Variants in UGT1A8 observed in about 807,000 individuals in gnomAD.
UGT1A8 encodes the protein UDP-glucuronosyltransferase 1A8.
Under a neutral mutation model 45.3 loss-of-function variants are expected in UGT1A8, and 39 were observed. The observed-to-expected ratio is 0.86, with a 90% confidence interval of 0.67 to 1.12. The LOEUF is 1.12. Among genes scored for constraint, UGT1A8 ranks in the 50% most tolerant of loss-of-function variants. The pLI is 0.00. For missense variants in UGT1A8, 719 were observed against 664.9 expected (o/e 1.08, Z -0.90); for synonymous variants, 275 against 249.2 (o/e 1.10, Z -0.97).
chr2:233,749,365 C>A (rs540660100), intron 1 of UGT1A8, among the ~76,000 whole-genome samples: 4 of 151,824 alleles, frequency 2.6e-5, no homozygotes, highest in Admixed American at 1.3e-4. Context: ...GTGACTCTTG[C>A]CCTTTTCTTC....
intron 1 of UGT1A8, chr2:233,719,579 C>T (rs112157197): frequency 5.0e-5 from 80 of 1,613,916 alleles, no homozygotes; most frequent in South Asian, 2.2e-4. Flanking sequence ...GCTATGCATC[C>T]GTGTGGCTGT....
intron 1 of UGT1A8, among the ~76,000 whole-genome samples, chr2:233,624,148 A>G (rs922516287): frequency 2.0e-5 from 3 of 152,132 alleles, no homozygotes; most frequent in African/African-American, 7.2e-5. Context: ...ATGATGAGCT[A>G]AAGTCTGTTT....
chr2:233,677,273 T>G (rs898642821), intron 1 of UGT1A8, among the ~76,000 whole-genome samples: 1 of 152,188 alleles, frequency 6.6e-6, no homozygotes, highest in Non-Finnish European at 1.5e-5. Context: ...TATATCATGT[T>G]TTTGATGCTA....
chr2:233,693,402 G>A, intron 1 of UGT1A8: 1 of 1,614,140 alleles, frequency 6.2e-7, no homozygotes, highest in Non-Finnish European at 8.5e-7. Context: ...CTGCAGGACA[G>A]GGACACCCTG....
intron 1 of UGT1A8, among the ~76,000 whole-genome samples, chr2:233,667,276 T>C (rs1394418009): frequency 6.6e-6 from 1 of 152,098 alleles, no homozygotes; most frequent in Non-Finnish European, 1.5e-5. Flanking sequence ...AAACAAGAAA[T>C]GGGGAAAGGA....
At chr2:233,697,433 C>A (rs1039181362) in intron 1 of UGT1A8, among the ~76,000 whole-genome samples, 9 of 150,656 alleles carry the variant, frequency 6.0e-5, no homozygotes, top group African/African-American at 2.2e-4. Flanking sequence ...TTTCCTTTTT[C>A]ATTTCTGATT....
intron 4 of UGT1A8, chr2:233,770,807 T>C (rs1273805727): frequency 2.6e-5 from 4 of 152,116 alleles, no homozygotes; most frequent in East Asian, 1.9e-4. Context: ...TTAAAGACAG[T>C]GTATTAGGCT....
At chr2:233,691,254 C>T in intron 1 of UGT1A8, 2 of 985,546 alleles carry the variant, frequency 2.0e-6, no homozygotes, top group Non-Finnish European at 2.4e-6. Flanking sequence ...GAACTCAAAG[C>T]AAGATGCTGC....
At chr2:233,636,889 C>T in intron 1 of UGT1A8, 1 of 1,613,986 alleles carries the variant, frequency 6.2e-7, no homozygotes, top group Non-Finnish European at 8.5e-7. Flanking sequence ...ATTTTTTTCG[C>T]ATTGCAGGAG....
intron 1 of UGT1A8, among the ~76,000 whole-genome samples, chr2:233,686,207 AG>A (rs2074777882): frequency 6.6e-6 from 1 of 152,184 alleles, no homozygotes; most frequent in African/African-American, 2.4e-5. Context: ...AGAAAAAATT[AG>A]AAAAATATTT....
chr2:233,620,953 T>C (rs2072993106), intron 1 of UGT1A8, among the ~76,000 whole-genome samples: 1 of 152,282 alleles, frequency 6.6e-6, no homozygotes, highest in South Asian at 2.1e-4. Flanking sequence ...TGATAGAGTA[T>C]GTGTTTGCAC....
At position 233,772,339 on chromosome 2, in the gene UGT1A8, G is replaced by A; in HGVS notation, c.1373G>A (p.Trp458Ter). The change falls in exon 5 of 5, where the codon TGG (tryptophan) becomes TAG (stop). Residue 458 changes from tryptophan to a stop codon, truncating the protein, a stop_gained. Transcript: ENST00000373450. LOFTEE classifies it high-confidence loss of function. ...GAGCCGCTGGACCTGGCCGTGTTCT[G>A]GGTGGAGTTTGTGATGAGGCACAAG... ...PVEPLDLAVF[W>*]VEFVMRHKGA... 2 of 1,614,256 alleles carry A rather than the reference G, an allele frequency of 1.2e-6. No homozygotes were observed. The highest frequency in any genetic ancestry group is 1.7e-6 in the Non-Finnish European group (2 of 1,180,038).
At chr2:233,705,964 C>T (rs2075881795) in intron 1 of UGT1A8, among the ~76,000 whole-genome samples, 1 of 152,112 alleles carries the variant, frequency 6.6e-6, no homozygotes, top group Non-Finnish European at 1.5e-5. Context: ...AGGTGCATGC[C>T]TGTGGTTCCG....
intron 1 of UGT1A8, among the ~76,000 whole-genome samples, chr2:233,757,337 A>G (rs1976391): frequency 0.35 from 51,596 of 146,046 alleles, 9,773 homozygotes; most frequent in African/African-American, 0.44. Context: ...TGGGACCATG[A>G]CAGCTGGGTC....
intron 1 of UGT1A8, chr2:233,755,248 G>T: frequency 2.4e-6 from 2 of 834,922 alleles, no homozygotes; most frequent in Non-Finnish European, 3.6e-6. Flanking sequence ...GGTACTCCCA[G>T]CACCTCGTAG....
At position 233,637,353 on chromosome 2, in the gene UGT1A8, T is replaced by C. The variant is rs200184373; in HGVS notation, c.855+18791T>C. 4.0e-5 allele frequency: 64 copies of C among 1,613,634 alleles called. No homozygotes were observed. In the Admixed American group the frequency reaches 4.5e-4, roughly 11 times the overall value. ...TGATCTTCATTGGTGGTATCAACTGTCATCAGGGAAAGCCATTGCCTATGG... is the reference window on the plus strand; with the variant it reads ...TGATCTTCATTGGTGGTATCAACTGCCATCAGGGAAAGCCATTGCCTATGG... On this transcript the variant is annotated intron_variant, in intron 1 of 4. Transcript: ENST00000373450.
rs45621441 is a variant in UGT1A8, at chr2:233,719,022, C to T, written c.856-48012C>T. On this transcript the variant is annotated intron_variant, in intron 1 of 4. Transcript: ENST00000373450. ...GGTCCTCACCCCAGAGGTGAATATG[C>T]ACATCAAAGAAGAGAAATTTTTCAC... 2,685 of 1,614,218 alleles carry T rather than the reference C, an allele frequency of 1.7e-3. 14 individuals are homozygous for T. The highest frequency in any genetic ancestry group is 3.6e-3 in the Middle Eastern group (22 of 6,062).
chr2:233,697,037 C>CT (rs533697413), intron 1 of UGT1A8, among the ~76,000 whole-genome samples: 10 of 150,934 alleles, frequency 6.6e-5, no homozygotes, highest in South Asian at 2.1e-4. Flanking sequence ...CCGCAGTTTT[C>CT]TTTTTTTTTG....
At chr2:233,648,944 T>C (rs1559324350) in intron 1 of UGT1A8, 2 of 1,434,362 alleles carry the variant, frequency 1.4e-6, no homozygotes, top group East Asian at 2.4e-5. Context: ...ATGGACTTTG[T>C]TTTGGAGTAT....
Sources: allele counts gnomAD v4.1 joint callset (sites outside exome capture counted in the v4.1 genomes callset), GRCh38; gene constraint gnomAD v4.1.1; transcripts MANE v1.5; gene names NCBI Gene and HGNC (gene_info 2026-07-23, HGNC 2026-07-21).